The following PIP4P2 variants were observed in gnomAD, a reference collection of about 807,000 sequenced individuals.
PIP4P2 encodes the protein phosphatidylinositol-4,5-bisphosphate 4-phosphatase 2, also known as type 2 phosphatidylinositol 4,5-bisphosphate 4-phosphatase.
In PIP4P2, 19 loss-of-function variants were observed where a neutral mutation model predicts 33.3. The ratio of observed to expected loss-of-function variants is 0.57; its 90% confidence interval spans 0.40 to 0.84. PIP4P2 has a LOEUF of 0.84. Ranked by LOEUF, PIP4P2 falls within the 40% of genes least tolerant of loss-of-function variation. PIP4P2 has a pLI of 0.00. For synonymous variants in PIP4P2, 110 were observed against 111.9 expected (o/e 0.98, Z 0.11); for missense variants, 270 against 324.7 (o/e 0.83, Z 1.29).
At chr8:91,017,908 T>C (rs1811941595) in intron 4 of PIP4P2, among the ~76,000 whole-genome samples, 1 of 152,226 alleles carries the variant, frequency 6.6e-6, no homozygotes, top group Admixed American at 6.5e-5. Context: ...CTTTATCTAA[T>C]GGTTTTATCT....
intron 1 of PIP4P2, among the ~76,000 whole-genome samples, chr8:91,032,819 C>A (rs192882827): frequency 6.6e-6 from 1 of 151,216 alleles, no homozygotes; most frequent in East Asian, 1.9e-4. Context: ...ACACAAAACA[C>A]CTGAGCACAA....
intron 3 of PIP4P2, among the ~76,000 whole-genome samples, chr8:91,019,785 C>T (rs1012281999): frequency 1.3e-5 from 2 of 152,088 alleles, no homozygotes; most frequent in Non-Finnish European, 2.9e-5. Context: ...AGTTTGGTCT[C>T]AAACTACCAG....
At position 91,031,114 on chromosome 8, in the gene PIP4P2, T is replaced by C. The variant is rs542986523; in HGVS notation, c.106+9530A>G. On this transcript the variant is annotated intron_variant, in intron 1 of 6. Coordinates refer to ENST00000285419, the MANE Select transcript of PIP4P2 (RefSeq NM_018710.3). Reference sequence around the variant, plus strand: ...ATGTCTGATAGTTTTAATAATGACCTATGTCCTCATTAAGGGATGGTAGCA... The same window carrying C: ...ATGTCTGATAGTTTTAATAATGACCCATGTCCTCATTAAGGGATGGTAGCA... Among the ~76,000 whole-genome samples, 5 of 152,364 alleles carry C rather than the reference T, an allele frequency of 3.3e-5. No homozygotes were observed. The East Asian group carries it at 9.6e-4, about 29-fold the overall frequency.
At chr8:91,005,209 T>C (rs190373811) in intron 5 of PIP4P2, among the ~76,000 whole-genome samples, 1 of 152,290 alleles carries the variant, frequency 6.6e-6, no homozygotes, top group Admixed American at 6.5e-5. Flanking sequence ...AGTGAATGGT[T>C]CTACAGCCTC....
chr8:91,039,789 C>T (rs1812280060), intron 1 of PIP4P2, among the ~76,000 whole-genome samples: 2 of 152,004 alleles, frequency 1.3e-5, no homozygotes, highest in South Asian at 4.1e-4. Context: ...AACTAAAAGG[C>T]TTAGAACAAC....
intron 1 of PIP4P2, among the ~76,000 whole-genome samples, chr8:91,039,817 A>G (rs955165441): frequency 5.9e-5 from 9 of 152,214 alleles, no homozygotes; most frequent in Admixed American, 3.9e-4. Context: ...TTTTAAATAA[A>G]TCGAATAGTA....
intron 4 of PIP4P2, among the ~76,000 whole-genome samples, chr8:91,014,490 A>C (rs1471192807): frequency 6.6e-6 from 1 of 152,152 alleles, no homozygotes; most frequent in Non-Finnish European, 1.5e-5. Context: ...AATAAGCCTG[A>C]CACAGGAAGA....
chr8:91,021,069 G>A (rs1812002204), intron 2 of PIP4P2, among the ~76,000 whole-genome samples, 187 bp downstream of exon 2: 1 of 152,176 alleles, frequency 6.6e-6, no homozygotes, highest in Non-Finnish European at 1.5e-5. Flanking sequence ...TTCTCTTAAT[G>A]GGGTTAGCTT....
At chr8:91,030,799 G>A (rs1812152304) in intron 1 of PIP4P2, among the ~76,000 whole-genome samples, 2 of 152,020 alleles carry the variant, frequency 1.3e-5, no homozygotes, top group Admixed American at 6.6e-5. Flanking sequence ...TCATCTCATT[G>A]TTTTTTCATT....
intron 5 of PIP4P2, among the ~76,000 whole-genome samples, chr8:90,999,821 C>G (rs993334650): frequency 2.0e-5 from 3 of 151,928 alleles, no homozygotes; most frequent in Non-Finnish European, 2.9e-5. Context: ...TTCATGTGTT[C>G]CTTCCTCAAA....
chr8:91,021,148 T>A (rs1812003399), intron 2 of PIP4P2, 108 bp downstream of exon 2: 2 of 1,272,256 alleles, frequency 1.6e-6, no homozygotes, highest in African/African-American at 3.0e-5. Flanking sequence ...ATTACCATAT[T>A]TGTATCCAGC....
intron 1 of PIP4P2, among the ~76,000 whole-genome samples, chr8:91,039,374 AC>A (rs1345801864): frequency 1.3e-5 from 2 of 152,180 alleles, no homozygotes; most frequent in Non-Finnish European, 2.9e-5. Flanking sequence ...CATGGCTCAC[AC>A]TGAATTATTT....
intron 4 of PIP4P2, among the ~76,000 whole-genome samples, chr8:91,017,694 A>AC (rs1466704760): frequency 6.6e-6 from 1 of 152,118 alleles, no homozygotes; most frequent in Non-Finnish European, 1.5e-5. Flanking sequence ...TCTGATAAAT[A>AC]TTTTTCATAT....
At position 90,996,642 on chromosome 8, in the gene PIP4P2, T is replaced by C; in HGVS notation, c.630+12A>G. On this transcript the variant is annotated intron_variant, in intron 6 of 6. Transcript: ENST00000285419. Reference sequence around the variant, plus strand: ...AGAGGACAGAATTCTAACATCAAAGTGTAACACTCACAGTTAACCCAACTC... The same window carrying C: ...AGAGGACAGAATTCTAACATCAAAGCGTAACACTCACAGTTAACCCAACTC... 6.3e-7 allele frequency: 1 copy of C among 1,598,754 alleles called. No individual in the cohort carries two copies. The highest frequency in any genetic ancestry group is 1.1e-5 in the South Asian group (1 of 88,988).
At chr8:91,024,436 ATAAT>A (rs1409735809) in intron 1 of PIP4P2, 8 of 325,762 alleles carry the variant, frequency 2.5e-5, no homozygotes, top group Admixed American at 1.5e-4. Context: ...TAAACCTATA[ATAAT>A]TAAATTAACT....
chr8:91,021,676 A>G (rs916099096), intron 1 of PIP4P2, among the ~76,000 whole-genome samples: 1 of 152,190 alleles, frequency 6.6e-6, no homozygotes, highest in African/African-American at 2.4e-5. Flanking sequence ...TCTATACTCA[A>G]AATGTCACTC....
At chr8:91,021,954 C>G (rs1322599782) in intron 1 of PIP4P2, among the ~76,000 whole-genome samples, 1 of 152,046 alleles carries the variant, frequency 6.6e-6, no homozygotes, top group East Asian at 1.9e-4. Context: ...CCTAAGAAAA[C>G]TAAACTTCTC....
chr8:91,023,346 C>T (rs1812037400), intron 1 of PIP4P2, among the ~76,000 whole-genome samples: 1 of 151,818 alleles, frequency 6.6e-6, no homozygotes, highest in South Asian at 2.1e-4. Context: ...AAATGCAAGA[C>T]AGTTTTATAA....
At chr8:91,002,370 C>T (rs1288142202) in intron 5 of PIP4P2, among the ~76,000 whole-genome samples, 1 of 152,130 alleles carries the variant, frequency 6.6e-6, no homozygotes, top group Non-Finnish European at 1.5e-5. Context: ...ATTCAATGCT[C>T]TCAAACATCT....
Sources: gnomAD v4.1 joint callset for allele counts (sites outside exome capture counted in the v4.1 genomes callset) on GRCh38, gnomAD v4.1.1 for gene constraint, MANE v1.5 for transcripts, NCBI Gene and HGNC (gene_info 2026-07-23, HGNC 2026-07-21) for gene names.